Variants in PTPRT observed in about 807,000 individuals in gnomAD.
The protein encoded by PTPRT is receptor-type tyrosine-protein phosphatase T.
PTPRT carries 56 observed loss-of-function variants against 176.8 expected under a neutral mutation model. The observed-to-expected ratio is 0.32, with a 90% CI of 0.26 to 0.40. The LOEUF (loss-of-function observed/expected upper bound fraction) is 0.40, where lower values mean the gene tolerates loss of function less well. Ranked by LOEUF, PTPRT falls within the 10% of genes least tolerant of loss-of-function variation. The probability of loss-of-function intolerance (pLI) is 1.00; values close to 1 mark genes in which losing one functional copy is unlikely to be tolerated. For synonymous variants in PTPRT, 783 were observed against 739.0 expected, an observed-to-expected ratio of 1.06 and a Z score of -0.96; for missense variants, 1,540 against 1,908.2, an observed-to-expected ratio of 0.81 and a Z score of 3.60.
At chr20:42,399,081 G>A (rs34722213) in intron 9 of PTPRT, among the ~76,000 whole-genome samples, 42,502 of 152,220 alleles carry the variant, frequency 0.28, 6,674 homozygotes, top group Admixed American at 0.4. Flanking sequence ...CAGTCAAGGC[G>A]TTTGAAAACC....
intron 1 of PTPRT, among the ~76,000 whole-genome samples, chr20:43,135,150 T>A (rs2013785563): frequency 6.6e-6 from 1 of 152,228 alleles, no homozygotes; most frequent in South Asian, 2.1e-4. Context: ...TTTAAAATAC[T>A]CCAGAGAAAA....
chr20:43,103,617 C>A (rs2012481165), intron 1 of PTPRT, among the ~76,000 whole-genome samples: 1 of 152,074 alleles, frequency 6.6e-6, no homozygotes, highest in Non-Finnish European at 1.5e-5. Context: ...AATATCACCC[C>A]CAAGGGGGCA....
At chr20:42,575,767 T>C (rs1007676346) in intron 7 of PTPRT, among the ~76,000 whole-genome samples, 3 of 152,124 alleles carry the variant, frequency 2.0e-5, no homozygotes, top group Non-Finnish European at 2.9e-5. Flanking sequence ...GGCCTGTCGA[T>C]GTTACCTTCT....
chr20:42,962,012 G>A (rs577260927), intron 1 of PTPRT, among the ~76,000 whole-genome samples: 56 of 152,332 alleles, frequency 3.7e-4, no homozygotes, highest in Admixed American at 9.8e-4. Context: ...ACAGCCTCCA[G>A]AAGGAATGCA....
intron 6 of PTPRT, among the ~76,000 whole-genome samples, chr20:42,698,852 C>CATGAATGAATGAATGAATGAATGA (rs3092082): frequency 3.3e-5 from 5 of 151,424 alleles, no homozygotes; most frequent in African/African-American, 1.2e-4. Flanking sequence ...TGAATGCATA[C>CATGAATGAATGAATGAATGAATGA]ATGAATGAAT....
chr20:42,164,456 A>T (rs989065418), intron 16 of PTPRT, among the ~76,000 whole-genome samples: 1 of 152,236 alleles, frequency 6.6e-6, no homozygotes, highest in Non-Finnish European at 1.5e-5. Context: ...AATAATGTCA[A>T]TGCCAGTGCT....
rs137871895 is a variant in PTPRT at position 42,576,569 on chromosome 20, G to A, written c.1153+101297C>T. 8.3e-4 allele frequency among the ~76,000 whole-genome samples: 127 copies of A among 152,268 alleles called. No homozygotes were observed. In the East Asian group the frequency reaches 0.023, roughly 28 times the overall value. ...GCTTGAGTTCCCTGGGGCTTTGCCT[G>A]CCCTGGTTGGGATGGCTTTCTGCCC... On this transcript the variant is annotated intron_variant, in intron 7 of 30. Coordinates refer to ENST00000373187, the MANE Select transcript of PTPRT (RefSeq NM_007050.6).
intron 2 of PTPRT, among the ~76,000 whole-genome samples, chr20:42,801,019 C>T (rs548804034): frequency 6.6e-6 from 1 of 152,168 alleles, no homozygotes; most frequent in African/African-American, 2.4e-5. Flanking sequence ...CTCTTTTTTT[C>T]TTCCTGGGGA....
intron 7 of PTPRT, among the ~76,000 whole-genome samples, chr20:42,633,211 T>C (rs2074452263): frequency 6.6e-6 from 1 of 152,128 alleles, no homozygotes; most frequent in African/African-American, 2.4e-5. Context: ...CATCTGAAAT[T>C]GATTCATTGG....
At chr20:42,276,334 T>C (rs1231131660) in intron 13 of PTPRT, among the ~76,000 whole-genome samples, 1 of 150,598 alleles carries the variant, frequency 6.6e-6, no homozygotes, top group Non-Finnish European at 1.5e-5. Flanking sequence ...ATCTAACCTG[T>C]ATCCATTTGA....
chr20:42,923,571 T>A (rs1979293668), intron 1 of PTPRT, among the ~76,000 whole-genome samples: 1 of 152,204 alleles, frequency 6.6e-6, no homozygotes, highest in African/African-American at 2.4e-5. Context: ...TTCTCAGTCA[T>A]CCTCATCATA....
At chr20:43,173,922 G>A (rs1335159053) in intron 1 of PTPRT, among the ~76,000 whole-genome samples, 1 of 152,218 alleles carries the variant, frequency 6.6e-6, no homozygotes, top group East Asian at 1.9e-4. Context: ...GACTCTGAAT[G>A]AGACGACCAC....
chr20:42,816,736 G>T (rs2077793695), intron 2 of PTPRT, among the ~76,000 whole-genome samples: 2 of 152,176 alleles, frequency 1.3e-5, no homozygotes, highest in Admixed American at 1.3e-4. Flanking sequence ...AGGCCTCCAA[G>T]CCATGCTTCC....
chr20:42,988,413 T>A (rs1285117116), intron 1 of PTPRT, among the ~76,000 whole-genome samples: 2 of 152,194 alleles, frequency 1.3e-5, no homozygotes, highest in African/African-American at 4.8e-5. Context: ...GCTGTGGATC[T>A]GTGCTCCACG....
intron 7 of PTPRT, among the ~76,000 whole-genome samples, chr20:42,616,213 G>T (rs1403009995): frequency 1.6e-5 from 2 of 124,126 alleles, no homozygotes; most frequent in Non-Finnish European, 3.3e-5. Flanking sequence ...CCCATTGCTT[G>T]TTTTTCTCAG....
chr20:42,353,212 G>A (rs2058312063), intron 9 of PTPRT, among the ~76,000 whole-genome samples: 1 of 152,154 alleles, frequency 6.6e-6, no homozygotes, highest in Non-Finnish European at 1.5e-5. Flanking sequence ...AGAGCGTCCC[G>A]ATGAGAATTA....
chr20:42,222,692 C>T (rs2055912906), intron 15 of PTPRT, among the ~76,000 whole-genome samples: 1 of 152,198 alleles, frequency 6.6e-6, no homozygotes, highest in South Asian at 2.1e-4. Context: ...GTTATGGAAG[C>T]TCCATACCTC....
At chr20:42,618,958 T>C in intron 7 of PTPRT, among the ~76,000 whole-genome samples, 1 of 152,016 alleles carries the variant, frequency 6.6e-6, no homozygotes, top group South Asian at 2.1e-4. Flanking sequence ...TTAGTATTTT[T>C]ATATGTGAAT....
intron 6 of PTPRT, among the ~76,000 whole-genome samples, chr20:42,679,890 C>T (rs977732717): frequency 1.3e-5 from 2 of 152,108 alleles, no homozygotes; most frequent in Non-Finnish European, 2.9e-5. Flanking sequence ...TTCAGTCTGT[C>T]TTATCTCATG....
Sources: gnomAD v4.1 joint callset for allele counts (sites outside exome capture counted in the v4.1 genomes callset) on GRCh38, gnomAD v4.1.1 for gene constraint, MANE v1.5 for transcripts, NCBI Gene and HGNC (gene_info 2026-07-23, HGNC 2026-07-21) for gene names.